COL11A1: variants seen among roughly 807,000 people sequenced by gnomAD.
COL11A1 encodes collagen type XI alpha 1 chain, also known as collagen alpha-1(XI) chain.
Under a neutral mutation model 265.2 loss-of-function variants are expected in COL11A1, and 74 were observed. That is an observed-to-expected ratio of 0.28 (90% CI 0.23 to 0.34). The LOEUF (loss-of-function observed/expected upper bound fraction) is 0.34, where lower values mean the gene tolerates loss of function less well. COL11A1 is among the 10% of genes least tolerant of loss of function. The probability of loss-of-function intolerance (pLI) is 1.00; values close to 1 mark genes in which losing one functional copy is unlikely to be tolerated. For synonymous variants in COL11A1, 816 were observed against 727.6 expected (o/e 1.12, Z -1.96); for missense variants, 2,165 against 2,263.6 (o/e 0.96, Z 0.88).
rs368958240 is a variant in COL11A1, at chr1:103,066,150, T to C, written c.651+8468A>G. On this transcript the variant is annotated intron_variant, in intron 4 of 66. Transcript: ENST00000370096. Reference sequence around the variant, plus strand: ...TTGTATAAGAAATGTTAAAGAAAACTTTTTAGACTGATGGAAAAGTGTATC... The same window carrying C: ...TTGTATAAGAAATGTTAAAGAAAACCTTTTAGACTGATGGAAAAGTGTATC... 2.4e-4 allele frequency among the ~76,000 whole-genome samples: 36 copies of C among 152,212 alleles called. No homozygotes were observed. In the East Asian group the frequency reaches 6.8e-3, roughly 29 times the overall value.
At chr1:103,085,473 C>T (rs35512814) in intron 1 of COL11A1, among the ~76,000 whole-genome samples, 7 of 151,854 alleles carry the variant, frequency 4.6e-5, no homozygotes, top group African/African-American at 7.3e-5. Context: ...TGAAATCCCA[C>T]GGAGGCACAG....
chr1:103,095,096 A>G (rs1673644498), intron 1 of COL11A1, among the ~76,000 whole-genome samples: 1 of 152,098 alleles, frequency 6.6e-6, no homozygotes, highest in South Asian at 2.1e-4. Context: ...CAAATAAGAA[A>G]AAATGCTTTA....
In COL11A1 at chr1:102,993,075, A is replaced by T. The variant is rs555710517; in HGVS notation, c.2340+2789T>A. Among the ~76,000 whole-genome samples, 3 of 152,236 alleles carry T rather than the reference A, an allele frequency of 2.0e-5. No individual in the cohort carries two copies. The East Asian group carries it at 5.8e-4, about 29-fold the overall frequency. ...CTCCTAGCAAGTTTCAGCAGTTAAC[A>T]ACATCCCCACCCCAGTCAGGCAATT... On this transcript the variant is annotated intron_variant, in intron 28 of 66. Transcript: ENST00000370096.
At chr1:102,911,604 A>G (rs965169144) in intron 54 of COL11A1, among the ~76,000 whole-genome samples, 1 of 152,196 alleles carries the variant, frequency 6.6e-6, no homozygotes, top group Non-Finnish European at 1.5e-5. Flanking sequence ...AGGACAGGAA[A>G]GTAAATCTCC....
At chr1:103,086,712 G>A (rs1005553387) in intron 1 of COL11A1, among the ~76,000 whole-genome samples, 3 of 152,028 alleles carry the variant, frequency 2.0e-5, no homozygotes, top group Non-Finnish European at 2.9e-5. Context: ...CACCGCGCCC[G>A]GCAACAACGT....
At chr1:103,001,867 T>G in intron 24 of COL11A1, 58 bp downstream of exon 24, 1 of 1,524,484 alleles carries the variant, frequency 6.6e-7, no homozygotes, top group Non-Finnish European at 9.1e-7. Flanking sequence ...TATACCTGCC[T>G]AAGATTGCTA....
chr1:103,096,212 C>A (rs145767829), intron 1 of COL11A1, among the ~76,000 whole-genome samples: 1 of 151,912 alleles, frequency 6.6e-6, no homozygotes, highest in Non-Finnish European at 1.5e-5. Context: ...TAGGCTCACT[C>A]GAGTGGAATC....
At chr1:102,968,951 A>G (rs1048787973) in intron 37 of COL11A1, among the ~76,000 whole-genome samples, 2 of 152,200 alleles carry the variant, frequency 1.3e-5, no homozygotes, top group Non-Finnish European at 2.9e-5. Context: ...GGAATATTCT[A>G]TAGTTATTCC....
chr1:102,961,837 G>A (rs1660938243), intron 41 of COL11A1, 29 bp downstream of exon 41: 1 of 1,599,880 alleles, frequency 6.3e-7, no homozygotes, highest in Non-Finnish European at 8.6e-7. Context: ...AACCATGATT[G>A]TCTGGCTATT....
At chr1:103,005,424 T>G (rs944007212) in intron 18 of COL11A1, among the ~76,000 whole-genome samples, 2 of 152,174 alleles carry the variant, frequency 1.3e-5, no homozygotes, top group African/African-American at 4.8e-5. Context: ...ATATAGTGCC[T>G]AGTATATTAC....
chr1:102,965,916 G>A (rs1661360735), intron 37 of COL11A1, among the ~76,000 whole-genome samples: 1 of 152,040 alleles, frequency 6.6e-6, no homozygotes, highest in African/African-American at 2.4e-5. Context: ...TTATACAAAG[G>A]TAAATTCACA....
intron 6 of COL11A1, chr1:103,026,002 G>T (rs371083013): frequency 1.3e-6 from 2 of 1,563,180 alleles, no homozygotes; most frequent in African/African-American, 2.7e-5. Flanking sequence ...AAACGAGGAG[G>T]GAAATATAGA....
At chr1:103,000,933 C>G (rs1248460561) in intron 24 of COL11A1, 1 of 374,802 alleles carries the variant, frequency 2.7e-6, no homozygotes, top group African/African-American at 2.1e-5. Context: ...AAATAAGGAG[C>G]AAAGTACTAA....
At chr1:103,049,102 A>G (rs1669565936) in intron 4 of COL11A1, among the ~76,000 whole-genome samples, 1 of 152,128 alleles carries the variant, frequency 6.6e-6, no homozygotes, top group Admixed American at 6.6e-5. Flanking sequence ...AGTTCTGCAG[A>G]TGTCTATTAG....
intron 13 of COL11A1, among the ~76,000 whole-genome samples, chr1:103,013,835 A>G (rs566616825): frequency 6.6e-6 from 1 of 152,014 alleles, no homozygotes; most frequent in Non-Finnish European, 1.5e-5. Context: ...AAAATGTTAT[A>G]TGAATTCCAT....
At chr1:103,028,531 A>G (rs1420790658) in intron 5 of COL11A1, among the ~76,000 whole-genome samples, 1 of 152,166 alleles carries the variant, frequency 6.6e-6, no homozygotes, top group Non-Finnish European at 1.5e-5. Flanking sequence ...ATGGCTTGAG[A>G]CAAGTAGAGA....
chr1:103,080,987 C>G (rs1327820001), intron 2 of COL11A1, among the ~76,000 whole-genome samples: 2 of 151,668 alleles, frequency 1.3e-5, no homozygotes, highest in African/African-American at 4.8e-5. Context: ...TGGAATCAAC[C>G]CACCATCTCC....
At chr1:103,092,001 A>G (rs1053856197) in intron 1 of COL11A1, among the ~76,000 whole-genome samples, 18 of 152,120 alleles carry the variant, frequency 1.2e-4, no homozygotes, top group African/African-American at 4.3e-4. Flanking sequence ...AATTCCAGGA[A>G]AATTCCAGTT....
At chr1:102,883,682 T>C (rs1650560911) in intron 63 of COL11A1, among the ~76,000 whole-genome samples, 1 of 152,196 alleles carries the variant, frequency 6.6e-6, no homozygotes, top group Non-Finnish European at 1.5e-5. Context: ...CTCATAAGTA[T>C]TATTTACTAC....
Sources: allele counts gnomAD v4.1 joint callset (sites outside exome capture counted in the v4.1 genomes callset), GRCh38; gene constraint gnomAD v4.1.1; transcripts MANE v1.5; gene names NCBI Gene and HGNC (gene_info 2026-07-23, HGNC 2026-07-21).